COX10: variants seen among roughly 807,000 people sequenced by gnomAD.
The protein encoded by COX10 is protoheme IX farnesyltransferase, mitochondrial.
In COX10, 27 loss-of-function variants were observed where a neutral mutation model predicts 37.3. The ratio of observed to expected loss-of-function variants is 0.72; its 90% CI spans 0.53 to 1.00. The LOEUF (loss-of-function observed/expected upper bound fraction) is 1.00. COX10 is among the 50% of genes least tolerant of loss of function. COX10 has a pLI of 0.00. For synonymous variants in COX10, 222 were observed against 229.1 expected, an observed-to-expected ratio of 0.97 and a Z score of 0.28; for missense variants, 475 against 563.2, an observed-to-expected ratio of 0.84 and a Z score of 1.59.
At chr17:14,142,358 G>A (rs867126137) in intron 4 of COX10, among the ~76,000 whole-genome samples, 6 of 152,264 alleles carry the variant, frequency 3.9e-5, no homozygotes, top group Middle Eastern at 6.8e-3. Context: ...GCAGACAGCC[G>A]ATAAATACAT....
At chr17:14,194,530 G>A (rs532279259) in intron 6 of COX10, among the ~76,000 whole-genome samples, 2 of 152,124 alleles carry the variant, frequency 1.3e-5, no homozygotes, top group African/African-American at 2.4e-5. Flanking sequence ...GGGTTCAAGC[G>A]ATTCTCCTGC....
intron 3 of COX10, among the ~76,000 whole-genome samples, chr17:14,097,795 T>C (rs767922968): frequency 6.6e-6 from 1 of 152,178 alleles, no homozygotes; most frequent in Non-Finnish European, 1.5e-5. Flanking sequence ...TTAAGCACAA[T>C]ACAAAATGTG....
intron 3 of COX10, 61 bp from the exon 4 acceptor site, chr17:14,102,057 T>C (rs1915793876): frequency 1.2e-6 from 2 of 1,611,010 alleles, no homozygotes; most frequent in African/African-American, 1.3e-5. Context: ...TTTGTCGTTC[T>C]GGCCTTTACA....
At chr17:14,075,299 T>C (rs983489207) in intron 2 of COX10, among the ~76,000 whole-genome samples, 8 of 152,212 alleles carry the variant, frequency 5.3e-5, no homozygotes, top group Non-Finnish European at 1.0e-4. Context: ...TGCCCTTTTT[T>C]ATGTAAATGG....
At chr17:14,123,879 T>G (rs1916278386) in intron 4 of COX10, among the ~76,000 whole-genome samples, 1 of 152,228 alleles carries the variant, frequency 6.6e-6, no homozygotes, top group Admixed American at 6.5e-5. Flanking sequence ...CAGTCCGTTT[T>G]AAGTCAAACC....
chr17:14,133,887 A>C (rs894764945), intron 4 of COX10, among the ~76,000 whole-genome samples: 1 of 151,708 alleles, frequency 6.6e-6, no homozygotes, highest in African/African-American at 2.4e-5. Context: ...TTTATAGGGC[A>C]TAAGTGAGAT....
chr17:14,140,748 A>G (rs1441733487), intron 4 of COX10, among the ~76,000 whole-genome samples: 1 of 152,166 alleles, frequency 6.6e-6, no homozygotes, highest in East Asian at 1.9e-4. Context: ...ATTAAATAGC[A>G]TGTAATATAT....
intron 5 of COX10, among the ~76,000 whole-genome samples, chr17:14,168,225 G>T (rs1905347579): frequency 6.6e-6 from 1 of 152,198 alleles, no homozygotes; most frequent in Non-Finnish European, 1.5e-5. Flanking sequence ...AATCTCTTTT[G>T]ACTCCATGTC....
In COX10 at chr17:14,153,666, G is replaced by A. The variant is rs73979172; in HGVS notation, c.625-6211G>A. Among the ~76,000 whole-genome samples, 1,386 of 152,268 alleles carry A rather than the reference G, an allele frequency of 9.1e-3. 17 individuals carry two copies. Among genetic ancestry groups the A allele is most frequent in the Middle Eastern group, 0.037 (11 of 294 alleles). ...CATATACTGCTGTGGGAATGAAAAA[G>A]TGGCACAACCACTTCGTGAAATAGT... On this transcript the variant is annotated intron_variant, in intron 4 of 6. Coordinates refer to ENST00000261643, the MANE Select transcript of COX10 (RefSeq NM_001303.4).
intron 4 of COX10, among the ~76,000 whole-genome samples, chr17:14,107,715 A>G (rs1364713921): frequency 6.6e-6 from 1 of 151,842 alleles, no homozygotes; most frequent in Admixed American, 6.6e-5. Context: ...CTTAGAAAAC[A>G]TTTCACATCC....
chr17:14,172,273 C>T (rs1353830382), intron 5 of COX10, among the ~76,000 whole-genome samples: 2 of 119,244 alleles, frequency 1.7e-5, no homozygotes, highest in East Asian at 4.1e-4. Flanking sequence ...TGGGTAGATA[C>T]TCAGTAGTGG....
At chr17:14,116,421 C>A (rs1213778184) in intron 4 of COX10, among the ~76,000 whole-genome samples, 1 of 152,152 alleles carries the variant, frequency 6.6e-6, no homozygotes, top group East Asian at 1.9e-4. Flanking sequence ...CTCTAGATCT[C>A]TAAACTGCCC....
At chr17:14,083,432 C>G (rs1460572323) in intron 3 of COX10, among the ~76,000 whole-genome samples, 1 of 152,220 alleles carries the variant, frequency 6.6e-6, no homozygotes, top group Admixed American at 6.5e-5. Context: ...TCATTTATAG[C>G]TAATGATAGC....
rs144296730 is a variant in COX10 at position 14,206,798 on chromosome 17, A to ACCCC, written c.929-10_929-7dup. On this transcript the variant is annotated splice_polypyrimidine_tract_variant and intron_variant, in intron 6 of 6. Transcript: ENST00000261643. ...GCCTTTGTCTCCCTCTCCTTCCCTG[A>ACCCC]CCCCCGCACAGGCGCATTTCTCCTG... The ACCCC allele has an allele frequency of 8.6e-5, 139 of 1,613,678 alleles. No individual in the cohort carries two copies. The highest frequency in any genetic ancestry group is 3.1e-4 in the South Asian group (28 of 91,062).
chr17:14,195,484 C>G (rs1906340790), intron 6 of COX10, among the ~76,000 whole-genome samples: 1 of 152,128 alleles, frequency 6.6e-6, no homozygotes, highest in Admixed American at 6.6e-5. Context: ...GGCACATGTA[C>G]CTAGTAGTTA....
At chr17:14,074,711 A>G (rs1405818960) in intron 2 of COX10, among the ~76,000 whole-genome samples, 1 of 152,210 alleles carries the variant, frequency 6.6e-6, no homozygotes, top group Non-Finnish European at 1.5e-5. Flanking sequence ...AACTTGTGGC[A>G]TATTTCGACC....
At chr17:14,091,558 A>G (rs1915527574) in intron 3 of COX10, among the ~76,000 whole-genome samples, 1 of 152,232 alleles carries the variant, frequency 6.6e-6, no homozygotes, top group South Asian at 2.1e-4. Flanking sequence ...ATACATTAAT[A>G]TATATGTATG....
chr17:14,108,872 G>T (rs1915954521), intron 4 of COX10, among the ~76,000 whole-genome samples: 2 of 152,144 alleles, frequency 1.3e-5, no homozygotes, highest in Middle Eastern at 3.4e-3. Flanking sequence ...TGACTATACA[G>T]TCTGCCTAGA....
At position 14,156,617 on chromosome 17, in the gene COX10, A is replaced by T. The variant is rs141805919; in HGVS notation, c.625-3260A>T. Among the ~76,000 whole-genome samples, 81 of 152,274 alleles carry T rather than the reference A, an allele frequency of 5.3e-4. 1 individual carries two copies. In the East Asian group the frequency reaches 0.015, roughly 27 times the overall value. On this transcript the variant is annotated intron_variant, in intron 4 of 6. Transcript: ENST00000261643. ...TTGAACTTCTGCTAGGTACTCCAGCATTTCATCAAAGTTCTGCCTCCTACG... is the reference window on the plus strand; with the variant it reads ...TTGAACTTCTGCTAGGTACTCCAGCTTTTCATCAAAGTTCTGCCTCCTACG...
Sources: allele counts gnomAD v4.1 joint callset (sites outside exome capture counted in the v4.1 genomes callset), GRCh38; gene constraint gnomAD v4.1.1; transcripts MANE v1.5; gene names NCBI Gene and HGNC (gene_info 2026-07-23, HGNC 2026-07-21).